The following TTI1 variants were observed in gnomAD, a reference collection of about 807,000 sequenced individuals.
TTI1 encodes the protein TELO2-interacting protein 1 homolog.
A neutral mutation model predicts 85.4 loss-of-function variants in TTI1; 52 were observed. That is an observed-to-expected ratio of 0.61 (90% CI 0.49 to 0.77). The LOEUF is 0.77. Ranked by LOEUF, TTI1 falls within the 30% of genes least tolerant of loss-of-function variation. TTI1 has a pLI of 0.00. For synonymous variants in TTI1, 512 were observed against 503.9 expected, an observed-to-expected ratio of 1.02 and a Z score of -0.22; for missense variants, 1,173 against 1,296.0, an observed-to-expected ratio of 0.91 and a Z score of 1.46.
At position 37,983,716 on chromosome 20, in the gene TTI1, C is replaced by T. The variant is rs990274577; in HGVS notation, c.3087-77G>A. ...GAATGCTACAGCCCCAACCAGGAGGCTGTTTACCAGGCTATTTGAGAAGAA... is the reference window on the plus strand; with the variant it reads ...GAATGCTACAGCCCCAACCAGGAGGTTGTTTACCAGGCTATTTGAGAAGAA... On this transcript the variant is annotated intron_variant, in intron 7 of 7. Coordinates refer to ENST00000373447, the MANE Select transcript of TTI1 (RefSeq NM_001303457.2). 4.6e-6 allele frequency: 6 copies of T among 1,297,630 alleles called. No homozygotes were observed. In the Admixed American group the frequency reaches 2.0e-4, roughly 44 times the overall value. 80.4% of individuals were successfully genotyped at this position (1,297,630 alleles called of 1,614,324 possible).
At chr20:38,024,157 A>C (rs1474398280) in intron 1 of TTI1, among the ~76,000 whole-genome samples, 1 of 152,138 alleles carries the variant, frequency 6.6e-6, no homozygotes, top group Non-Finnish European at 1.5e-5. Flanking sequence ...TATATATACA[A>C]ATGACCTCCT....
chr20:38,025,414 T>C (rs1026003146), intron 1 of TTI1, among the ~76,000 whole-genome samples: 2 of 151,628 alleles, frequency 1.3e-5, no homozygotes, highest in South Asian at 2.1e-4. Flanking sequence ...ACTAAAAATA[T>C]AGAAATTAGC....
At position 38,013,488 on chromosome 20, in the gene TTI1, T is replaced by C. The variant is rs376928083; in HGVS notation, c.329A>G (p.Gln110Arg). Residue 110 changes from glutamine (Q) to arginine (R), a missense_variant, in exon 2 of 8, where the codon CAA (glutamine) becomes CGA (arginine). Transcript: ENST00000373447. ...LSACLYSPSS[Q>R]KPAAVSEELK... ...CTCCTCGGACACAGCCGCAGGTTTT[T>C]GGGAGCTGGGTGAATACAGACAAGC... The C allele has an allele frequency of 3.7e-6, 6 of 1,613,954 alleles. No homozygotes were observed. In the African/African-American group the frequency reaches 8.0e-5, roughly 22 times the overall value.
rs958577903 is a variant in TTI1, at chr20:38,030,184, T to G, written c.-42+3220A>C. 2.2e-5 allele frequency among the ~76,000 whole-genome samples: 3 copies of G among 138,688 alleles called. No homozygotes were observed. In the South Asian group the frequency reaches 7.0e-4, roughly 32 times the overall value. The allele number at this position is 138,688 out of a possible 152,430, so 91.0% of individuals were successfully genotyped here. On this transcript the variant is annotated intron_variant, in intron 1 of 7. Transcript: ENST00000373447. ...TTTTAAATAAACTGAATTTGTCACT[T>G]AAAAACTCCAGAAAAAAAAGGAAGA...
At chr20:37,995,095 C>A (rs1018357336) in intron 7 of TTI1, among the ~76,000 whole-genome samples, 1 of 152,182 alleles carries the variant, frequency 6.6e-6, no homozygotes. Flanking sequence ...GCTCCAGGGG[C>A]ACCGCCCAGG....
At chr20:37,996,689 A>G in intron 6 of TTI1, 60 bp downstream of exon 6, 2 of 1,550,216 alleles carry the variant, frequency 1.3e-6, no homozygotes, top group Non-Finnish European at 1.8e-6. Flanking sequence ...AGAGGGCATG[A>G]TGGCAGGGGT....
rs752775453 is a variant in TTI1 at position 38,013,431 on chromosome 20, G to T, written c.386C>A (p.Thr129Lys). The T allele has an allele frequency of 6.2e-7, 1 of 1,614,040 alleles. No individual in the cohort carries two copies. The highest frequency in any genetic ancestry group is 1.1e-5 in the South Asian group (1 of 91,082). Residue 129 changes from threonine to lysine, a missense_variant, in exon 2 of 8, where the codon ACA becomes AAA. Transcript: ENST00000373447. ...LKLAVIQGLS[T>K]LMHSAYGDII... ...GTCCCCATAAGCTGAGTGCATTAAT[G>T]TGCTAAGTCCCTGGATCACAGCCAA... is the stretch of plus-strand genomic sequence containing the variant.
At chr20:38,003,070 C>T (rs1451322465) in intron 3 of TTI1, among the ~76,000 whole-genome samples, 1 of 152,270 alleles carries the variant, frequency 6.6e-6, no homozygotes, top group Middle Eastern at 3.4e-3. Flanking sequence ...GAGTGATCTT[C>T]CCACCTCAGC....
intron 1 of TTI1, among the ~76,000 whole-genome samples, chr20:38,033,069 A>G (rs1256237136): frequency 6.6e-6 from 1 of 152,224 alleles, no homozygotes; most frequent in African/African-American, 2.4e-5. Context: ...TAAAAGGTCA[A>G]AACAGGACAT....
At chr20:38,010,467 CTTTTTTTTTTTTT>C (rs764386880) in intron 2 of TTI1, among the ~76,000 whole-genome samples, 1 of 104,432 alleles carries the variant, frequency 9.6e-6, no homozygotes, top group African/African-American at 3.9e-5. Flanking sequence ...TTTGCCATTC[CTTTTTTTTTTTTT>C]TTTTTTTTGA....
chr20:38,009,200 T>G (rs1288368351), intron 2 of TTI1, among the ~76,000 whole-genome samples: 1 of 152,218 alleles, frequency 6.6e-6, no homozygotes, highest in Non-Finnish European at 1.5e-5. Flanking sequence ...GTGGGATATA[T>G]TTGGCCCATG....
chr20:37,995,138 C>T (rs562605463), intron 7 of TTI1, among the ~76,000 whole-genome samples: 6 of 152,238 alleles, frequency 3.9e-5, no homozygotes, highest in East Asian at 1.9e-4. Flanking sequence ...TGATTCTGTA[C>T]GGAATAAAAA....
chr20:37,996,586 C>T lies in TTI1; in HGVS notation c.2999-124G>A, dbSNP rs1395818946. ...ATGCTCTGGGCTCTCTACTCCATCCCGCCAAAGAACACATCAAGATAAATG... is the reference window on the plus strand; with the variant it reads ...ATGCTCTGGGCTCTCTACTCCATCCTGCCAAAGAACACATCAAGATAAATG... On this transcript the variant is annotated intron_variant, in intron 6 of 7. Transcript: ENST00000373447. The T allele has an allele frequency of 4.3e-6, 6 of 1,394,168 alleles. No individual in the cohort carries two copies. In the Admixed American group the frequency reaches 5.4e-5, roughly 12 times the overall value. 86.4% of individuals were successfully genotyped at this position (1,394,168 alleles called of 1,614,324 possible).
chr20:38,022,026 TATACA>T (rs2073777904), intron 1 of TTI1, among the ~76,000 whole-genome samples: 1 of 152,174 alleles, frequency 6.6e-6, no homozygotes, highest in Admixed American at 6.5e-5. Context: ...GCTGGGGTAC[TATACA>T]CTTTGGGCTA....
chr20:37,994,260 A>G (rs939667016), intron 7 of TTI1, among the ~76,000 whole-genome samples: 3 of 152,036 alleles, frequency 2.0e-5, no homozygotes, highest in African/African-American at 7.2e-5. Flanking sequence ...CAGCTTCCCA[A>G]TTAGCTGGAA....
At chr20:38,032,010 G>A (rs1251910178) in intron 1 of TTI1, among the ~76,000 whole-genome samples, 1 of 152,204 alleles carries the variant, frequency 6.6e-6, no homozygotes. Flanking sequence ...AAAGCCCTCA[G>A]TTATGACTAG....
chr20:37,991,700 C>G (rs2073267449), intron 7 of TTI1, among the ~76,000 whole-genome samples: 1 of 152,222 alleles, frequency 6.6e-6, no homozygotes, highest in Admixed American at 6.5e-5. Context: ...GTATGAGTAA[C>G]ATACACATCA....
chr20:38,011,853 G>A lies in TTI1; in HGVS notation c.1964C>T (p.Pro655Leu). The change falls in exon 2 of 8, where the codon CCA becomes CTA. Residue 655 changes from proline (P) to leucine (L), a missense_variant. By Grantham distance (98) the Pro-to-Leu change is moderately conservative. Transcript: ENST00000373447. ...TTGGTCTCCAGCCTTCTCCAGTACT[G>A]GATAAAGGGCTGACATCAAGAGCAA... is the stretch of plus-strand genomic sequence containing the variant. ...FCLLLMSALY[P>L]VLEKAGDQTL... 6.2e-7 allele frequency: 1 copy of A among 1,614,198 alleles called. No individual in the cohort carries two copies. The highest frequency in any genetic ancestry group is 1.1e-5 in the South Asian group (1 of 91,086).
intron 6 of TTI1, 74 bp downstream of exon 6, chr20:37,996,675 G>A: frequency 6.5e-7 from 1 of 1,529,442 alleles, no homozygotes; most frequent in South Asian, 1.2e-5. Flanking sequence ...GGGCACGACT[G>A]AGCAGAGGGC....
Sources: gnomAD v4.1 joint callset for allele counts (sites outside exome capture counted in the v4.1 genomes callset) on GRCh38, gnomAD v4.1.1 for gene constraint, MANE v1.5 for transcripts, NCBI Gene and HGNC (gene_info 2026-07-23, HGNC 2026-07-21) for gene names.